SP100: variants seen among roughly 807,000 people sequenced by gnomAD.
SP100 encodes SP100 nuclear body protein.
SP100 carries 84 observed loss-of-function variants against 130.0 expected under a neutral mutation model. The observed-to-expected ratio is 0.65, with a 90% CI of 0.54 to 0.77. The LOEUF (loss-of-function observed/expected upper bound fraction) is 0.77, where lower values mean the gene tolerates loss of function less well. Ranked by LOEUF, SP100 falls within the 30% of genes least tolerant of loss-of-function variation. SP100 has a pLI of 0.00. For synonymous variants in SP100, 331 were observed against 351.7 expected, an observed-to-expected ratio of 0.94 and a Z score of 0.66; for missense variants, 978 against 1,052.2, an observed-to-expected ratio of 0.93 and a Z score of 0.97.
At chr2:230,541,539 C>G (rs113576313) in intron 27 of SP100, among the ~76,000 whole-genome samples, 167 bp downstream of exon 27, 1 of 152,292 alleles carries the variant, frequency 6.6e-6, no homozygotes, top group African/African-American at 2.4e-5. Flanking sequence ...AAATGTTTTT[C>G]TCACGGTCCC....
At chr2:230,470,937 A>G (rs1454312874) in intron 15 of SP100, among the ~76,000 whole-genome samples, 1 of 139,030 alleles carries the variant, frequency 7.2e-6, no homozygotes. Context: ...TTTGTTACAT[A>G]TAACATGTAT....
intron 24 of SP100, chr2:230,516,093 C>T: frequency 2.0e-6 from 2 of 988,040 alleles, no homozygotes. Context: ...TTTTAAAAAA[C>T]CGTATGAGGG....
chr2:230,545,216 A>G lies in SP100; in HGVS notation c.*2270A>G, dbSNP rs964666907. Among the ~76,000 whole-genome samples the G allele has an allele frequency of 2.6e-5, 4 of 152,262 alleles. No individual in the cohort carries two copies. Among genetic ancestry groups the G allele is most frequent in the Admixed American group, 2.0e-4 (3 of 15,288 alleles). On this transcript the variant is annotated 3_prime_UTR_variant, in exon 29 of 29. Transcript: ENST00000340126. ...ATCAGTAACAGATTGGATAAAGAAA[A>G]TATGGTACACATACACCATGGAATA...
chr2:230,515,119 G>A, intron 24 of SP100: 2 of 1,613,074 alleles, frequency 1.2e-6, no homozygotes, highest in African/African-American at 1.3e-5. Context: ...GAAGAACCCA[G>A]ATGCTTCAGT....
At chr2:230,533,550 C>T (rs1267156760) in intron 24 of SP100, among the ~76,000 whole-genome samples, 1 of 152,202 alleles carries the variant, frequency 6.6e-6, no homozygotes, top group Admixed American at 6.5e-5. Flanking sequence ...CCTACTTCTG[C>T]TAAATCTTGA....
intron 1 of SP100, chr2:230,416,675 A>C: frequency 1.1e-6 from 1 of 950,430 alleles, no homozygotes. Flanking sequence ...GCCTTCCTCT[A>C]CCTTCAAATA....
At chr2:230,535,446 ATTTT>A (rs913908072) in intron 24 of SP100, among the ~76,000 whole-genome samples, 1 of 151,938 alleles carries the variant, frequency 6.6e-6, no homozygotes, top group African/African-American at 2.4e-5. Flanking sequence ...TTTCTTATGG[ATTTT>A]TTTTGTTTGA....
rs939909317 is a variant in SP100, at chr2:230,491,885, C to T, written c.1601-2531C>T. Reference sequence around the variant, plus strand: ...TATAAGCAGAAGATATGTGAGCCACCTCTGAGTCTTTTCCTTGAAATAAAT... The same window carrying T: ...TATAAGCAGAAGATATGTGAGCCACTTCTGAGTCTTTTCCTTGAAATAAAT... On this transcript the variant is annotated intron_variant, in intron 17 of 28. Transcript: ENST00000340126. Among the ~76,000 whole-genome samples, 4 of 152,192 alleles carry T rather than the reference C, an allele frequency of 2.6e-5. No homozygotes were observed. The South Asian group carries it at 6.2e-4, about 24-fold the overall frequency.
chr2:230,500,245 C>T (rs2066944311), intron 19 of SP100, among the ~76,000 whole-genome samples: 1 of 152,160 alleles, frequency 6.6e-6, no homozygotes, highest in African/African-American at 2.4e-5. Flanking sequence ...TTAAGTCCTA[C>T]TTTGTCCAGG....
chr2:230,521,397 C>G (rs1691163214), intron 24 of SP100, among the ~76,000 whole-genome samples: 1 of 152,166 alleles, frequency 6.6e-6, no homozygotes, highest in African/African-American at 2.4e-5. Flanking sequence ...ACAATGCAAC[C>G]CAGGTAACTG....
intron 24 of SP100, among the ~76,000 whole-genome samples, chr2:230,512,010 G>T (rs1425075703): frequency 6.6e-6 from 1 of 152,022 alleles, no homozygotes; most frequent in Non-Finnish European, 1.5e-5. Flanking sequence ...AGGACTACGG[G>T]TGCATGCCAC....
intron 17 of SP100, among the ~76,000 whole-genome samples, chr2:230,484,859 C>T (rs1004422661): frequency 2.0e-5 from 3 of 152,048 alleles, no homozygotes; most frequent in African/African-American, 4.8e-5. Flanking sequence ...CTAACTTTTC[C>T]GAGGCATATG....
intron 2 of SP100, among the ~76,000 whole-genome samples, chr2:230,441,473 A>G (rs562943063): frequency 8.6e-4 from 131 of 152,332 alleles, no homozygotes; most frequent in Non-Finnish European, 1.5e-3. Flanking sequence ...CTAGTCTCAA[A>G]GTGGAATCAA....
chr2:230,512,688 G>A (rs1690688938), intron 24 of SP100, among the ~76,000 whole-genome samples: 2 of 152,126 alleles, frequency 1.3e-5, no homozygotes, highest in South Asian at 4.1e-4. Context: ...GGGGTTGGGG[G>A]CAGGATGATT....
Position 230,470,422 on chromosome 2 carries a change from T to A in SP100, c.1429+324T>A, listed in dbSNP as rs190255018. On this transcript the variant is annotated intron_variant, in intron 15 of 28. Coordinates refer to ENST00000340126, the MANE Select transcript of SP100 (RefSeq NM_001080391.2). ...CTAAGATCTTAGATTTTTATAGTGATAAATGGGTTGACATCATTGTCATTT... is the reference window on the plus strand; with the variant it reads ...CTAAGATCTTAGATTTTTATAGTGAAAAATGGGTTGACATCATTGTCATTT... 27 of 1,008,228 alleles carry A rather than the reference T, an allele frequency of 2.7e-5. 1 individual carries two copies. In the East Asian group the frequency reaches 1.7e-3, roughly 64 times the overall value. 62.5% of individuals were successfully genotyped at this position (1,008,228 alleles called of 1,614,324 possible).
intron 17 of SP100, among the ~76,000 whole-genome samples, chr2:230,488,149 C>G (rs7570147): frequency 0.035 from 5,283 of 152,186 alleles, 301 homozygotes; most frequent in African/African-American, 0.12. Context: ...AATCTGACTT[C>G]CCCTCTCCCG....
At chr2:230,515,660 T>C in intron 24 of SP100, 1 of 1,587,006 alleles carries the variant, frequency 6.3e-7, no homozygotes, top group Non-Finnish European at 8.5e-7. Context: ...AGTGCAGTTT[T>C]TTTCTTGTCT....
In SP100 at chr2:230,461,498, G is replaced by A. The variant is rs957022395; in HGVS notation, c.973+84G>A. The stretch of plus-strand genomic sequence containing the variant: ...AGGGACTTCATCACGGACCATCGGG[G>A]CAGTGCAGGTAGCCTGGGATGGAGG... On this transcript the variant is annotated intron_variant, in intron 9 of 28. Transcript: ENST00000340126. 7 of 1,392,270 alleles carry A rather than the reference G, an allele frequency of 5.0e-6. No homozygotes were observed. In the Admixed American group the frequency reaches 5.4e-5, roughly 11 times the overall value. The allele number at this position is 1,392,270 out of a possible 1,614,324, so 86.2% of individuals were successfully genotyped here.
chr2:230,432,997 G>A (rs771818856), intron 2 of SP100, among the ~76,000 whole-genome samples: 6 of 151,326 alleles, frequency 4.0e-5, no homozygotes, highest in East Asian at 1.9e-4. Context: ...TTTGGGAAAC[G>A]CAGTGAAAAA....
Sources: gnomAD v4.1 joint callset for allele counts (sites outside exome capture counted in the v4.1 genomes callset) on GRCh38, gnomAD v4.1.1 for gene constraint, MANE v1.5 for transcripts, NCBI Gene and HGNC (gene_info 2026-07-23, HGNC 2026-07-21) for gene names.